The following PLCB1 variants were observed in gnomAD, a reference collection of about 807,000 sequenced individuals.
The protein encoded by PLCB1 is phospholipase C beta 1.
In PLCB1, 46 loss-of-function variants were observed where a neutral mutation model predicts 161.8. The ratio of observed to expected loss-of-function variants is 0.28; its 90% CI spans 0.22 to 0.36. The LOEUF is 0.36. PLCB1 is among the 10% of genes least tolerant of loss of function. The pLI is 1.00. For synonymous variants in PLCB1, 517 were observed against 503.7 expected, an observed-to-expected ratio of 1.03 and a Z score of -0.35; for missense variants, 1,016 against 1,472.5, an observed-to-expected ratio of 0.69 and a Z score of 5.07.
At chr20:8,795,618 A>G (rs1983978478) in intron 31 of PLCB1, among the ~76,000 whole-genome samples, 1 of 152,234 alleles carries the variant, frequency 6.6e-6, no homozygotes, top group African/African-American at 2.4e-5. Context: ...AACACTGGCC[A>G]GTCTTCTGAC....
intron 2 of PLCB1, among the ~76,000 whole-genome samples, chr20:8,231,016 T>C (rs965323569): frequency 6.6e-6 from 1 of 152,092 alleles, no homozygotes; most frequent in African/African-American, 2.4e-5. Flanking sequence ...TCCATTCCCT[T>C]CTTTCCATTC....
chr20:8,331,489 G>A (rs1345200769), intron 2 of PLCB1, among the ~76,000 whole-genome samples: 1 of 152,152 alleles, frequency 6.6e-6, no homozygotes, highest in African/African-American at 2.4e-5. Context: ...CCTTTTGCAA[G>A]GTTTTGTGGT....
chr20:8,397,701 A>G (rs1054111481), intron 3 of PLCB1, among the ~76,000 whole-genome samples: 2 of 152,166 alleles, frequency 1.3e-5, no homozygotes, highest in Non-Finnish European at 2.9e-5. Flanking sequence ...TCTTTCTTAC[A>G]CAAAATGTAA....
intron 3 of PLCB1, among the ~76,000 whole-genome samples, chr20:8,577,386 C>T (rs1227279407): frequency 6.7e-6 from 1 of 148,558 alleles, no homozygotes; most frequent in Non-Finnish European, 1.5e-5. Context: ...TGCAGTGAGC[C>T]GAGGTCGTGC....
At chr20:8,733,501 A>T in intron 19 of PLCB1, 109 bp downstream of exon 19, 1 of 947,132 alleles carries the variant, frequency 1.1e-6, no homozygotes, top group Non-Finnish European at 1.6e-6. Flanking sequence ...GAAAGATTCT[A>T]CTTTCTTCCT....
At chr20:8,757,253 T>C in intron 24 of PLCB1, 75 bp downstream of exon 24, 2 of 1,437,348 alleles carry the variant, frequency 1.4e-6, no homozygotes, top group Non-Finnish European at 1.9e-6. Context: ...GGAGGCGCTG[T>C]GATGTGGGTA....
chr20:8,835,029 C>T (rs1032620012), intron 31 of PLCB1, among the ~76,000 whole-genome samples: 7 of 152,070 alleles, frequency 4.6e-5, no homozygotes, highest in African/African-American at 1.7e-4. Flanking sequence ...CTAATCTCAT[C>T]CAAAAACACC....
intron 31 of PLCB1, among the ~76,000 whole-genome samples, chr20:8,864,906 C>T (rs1987375035): frequency 1.3e-5 from 2 of 152,072 alleles, no homozygotes; most frequent in African/African-American, 4.8e-5. Context: ...GGAAGCAGCG[C>T]CAGAATTATA....
intron 3 of PLCB1, among the ~76,000 whole-genome samples, chr20:8,561,869 A>C (rs550952864): frequency 6.6e-6 from 1 of 152,010 alleles, no homozygotes; most frequent in South Asian, 2.1e-4. Context: ...TGTTCACTAC[A>C]ATCTACATAT....
chr20:8,876,265 AT>A (rs1421156158), intron 31 of PLCB1, among the ~76,000 whole-genome samples: 1 of 152,204 alleles, frequency 6.6e-6, no homozygotes, highest in Non-Finnish European at 1.5e-5. Context: ...TAGAGGTTAA[AT>A]TCAATCATGT....
At chr20:8,660,136 GT>G (rs1989583394) in intron 9 of PLCB1, among the ~76,000 whole-genome samples, 1 of 151,738 alleles carries the variant, frequency 6.6e-6, no homozygotes, top group South Asian at 2.1e-4. Context: ...CTTTGCCTTT[GT>G]TGTTGTTATC....
intron 2 of PLCB1, among the ~76,000 whole-genome samples, chr20:8,366,137 T>C (rs1986704418): frequency 6.6e-6 from 1 of 152,158 alleles, no homozygotes; most frequent in South Asian, 2.1e-4. Context: ...CATTAATTAG[T>C]AATAATGGGT....
chr20:8,702,342 C>T (rs1978412632), intron 11 of PLCB1, among the ~76,000 whole-genome samples: 1 of 152,154 alleles, frequency 6.6e-6, no homozygotes. Context: ...ACACCACCTA[C>T]CCACCTCCTT....
intron 2 of PLCB1, among the ~76,000 whole-genome samples, chr20:8,177,595 G>A (rs2051796494): frequency 6.6e-6 from 1 of 151,592 alleles, no homozygotes; most frequent in Non-Finnish European, 1.5e-5. Context: ...GTTTATGAAG[G>A]GTGCTATGCA....
chr20:8,627,098 G>C (rs1035989722), intron 3 of PLCB1, among the ~76,000 whole-genome samples: 1 of 151,956 alleles, frequency 6.6e-6, no homozygotes, highest in African/African-American at 2.4e-5. Flanking sequence ...GTGAAAGTGA[G>C]ATTTCAGTTA....
intron 12 of PLCB1, 61 bp from the exon 13 acceptor site, chr20:8,716,203 C>T: frequency 8.2e-7 from 1 of 1,213,760 alleles, no homozygotes; most frequent in East Asian, 2.3e-5. Flanking sequence ...CAAAGCAATC[C>T]TGTTCAGGTT....
chr20:8,200,386 C>T (rs1223938374), intron 2 of PLCB1, among the ~76,000 whole-genome samples: 2 of 152,024 alleles, frequency 1.3e-5, no homozygotes, highest in Non-Finnish European at 2.9e-5. Context: ...ATGATAGGAA[C>T]TGAATTATAC....
At chr20:8,534,339 C>T (rs927012082) in intron 3 of PLCB1, among the ~76,000 whole-genome samples, 5 of 152,190 alleles carry the variant, frequency 3.3e-5, no homozygotes, top group African/African-American at 4.8e-5. Flanking sequence ...ACTGCGCCCC[C>T]GGCCCTTGTG....
chr20:8,806,244 C>G (rs186756181), intron 31 of PLCB1, among the ~76,000 whole-genome samples: 1 of 152,120 alleles, frequency 6.6e-6, no homozygotes, highest in East Asian at 1.9e-4. Context: ...GAGAGGTGGG[C>G]AGCTGTTTTC....
Sources: gnomAD v4.1 joint callset for allele counts (sites outside exome capture counted in the v4.1 genomes callset) on GRCh38, gnomAD v4.1.1 for gene constraint, MANE v1.5 for transcripts, NCBI Gene and HGNC (gene_info 2026-07-23, HGNC 2026-07-21) for gene names.